The following EIF4E variants were observed in gnomAD, a reference collection of about 807,000 sequenced individuals.
EIF4E encodes eIF-4F 25 kDa subunit.
For missense variants in EIF4E, 113 were observed against 265.6 expected (o/e 0.43, Z 3.99); for synonymous variants, 71 against 88.5 (o/e 0.80, Z 1.11).
chr4:98,918,362 A>G (rs1273719462), intron 1 of EIF4E, among the ~76,000 whole-genome samples: 1 of 144,800 alleles, frequency 6.9e-6, no homozygotes, highest in Non-Finnish European at 1.5e-5. Context: ...CCGTCTTGGA[A>G]AAAAAAAAAA....
Position 98,887,003 on chromosome 4 carries a change from T to G in EIF4E, c.399+76A>C. ...TCCTTCTCTTAAATTAAGTAACAAA[T>G]GTAAAACATAACATATCTTAAGTAT... On this transcript the variant is annotated intron_variant, in intron 5 of 6. Transcript: ENST00000450253. This position sits in a 1 kb window ranked among gnomAD's most constrained non-coding sequence, Gnocchi z 4.0. The G allele has an allele frequency of 7.0e-7, 1 of 1,438,362 alleles. No homozygotes were observed. Among genetic ancestry groups the G allele is most frequent in the Non-Finnish European group, 9.8e-7 (1 of 1,023,652 alleles). The allele number at this position is 1,438,362 out of a possible 1,614,324, so 89.1% of individuals were successfully genotyped here.
intron 2 of EIF4E, among the ~76,000 whole-genome samples, chr4:98,894,720 C>A (rs1296105224): frequency 6.6e-6 from 1 of 152,224 alleles, no homozygotes; most frequent in African/African-American, 2.4e-5. Context: ...GTTTTCTTAT[C>A]ATTCATGTGT....
Position 98,929,116 on chromosome 4 carries a change from A to G in EIF4E, c.-4T>C. On this transcript the variant is annotated 5_prime_UTR_variant, in exon 1 of 7. Coordinates refer to ENST00000450253, the MANE Select transcript of EIF4E (RefSeq NM_001968.5). ...TCACCGGTTCGACAGTCGCCATCTT[A>G]GATCGATCTGATCGCACAACCGCTC... 1 of 1,574,858 alleles carries G rather than the reference A, an allele frequency of 6.3e-7. No individual in the cohort carries two copies. Among genetic ancestry groups the G allele is most frequent in the Non-Finnish European group, 8.6e-7 (1 of 1,159,846 alleles).
chr4:98,909,641 C>A, intron 1 of EIF4E: 1 of 709,842 alleles, frequency 1.4e-6, no homozygotes, highest in South Asian at 1.5e-5. Flanking sequence ...ACAGTATATG[C>A]AGCTTCCAAC....
chr4:98,888,576 C>T (rs1395724715), intron 3 of EIF4E, among the ~76,000 whole-genome samples: 1 of 152,130 alleles, frequency 6.6e-6, no homozygotes, highest in African/African-American at 2.4e-5. Flanking sequence ...TAAGATGGAA[C>T]CCTGCAGTCT....
chr4:98,882,154 A>G (rs1230848450), intron 6 of EIF4E, among the ~76,000 whole-genome samples: 1 of 151,934 alleles, frequency 6.6e-6, no homozygotes, highest in Non-Finnish European at 1.5e-5. Flanking sequence ...GCACTTTGGG[A>G]GGCCGAGGCG....
rs1447259286 is a variant in EIF4E, at chr4:98,899,221, T to C, written c.125+2655A>G. Among the ~76,000 whole-genome samples, 3 of 152,096 alleles carry C rather than the reference T, an allele frequency of 2.0e-5. 1 individual carries two copies. The highest frequency in any genetic ancestry group is 4.1e-4 in the South Asian group (2 of 4,826). On this transcript the variant is annotated intron_variant, in intron 2 of 6. Coordinates refer to ENST00000450253, the MANE Select transcript of EIF4E (RefSeq NM_001968.5). ...ACTTGAAAAGATATTCCATAACTTGTTAGCTTGAAAGTAGGGGAAAAAAAA... is the reference window on the plus strand; with the variant it reads ...ACTTGAAAAGATATTCCATAACTTGCTAGCTTGAAAGTAGGGGAAAAAAAA...
At chr4:98,891,816 T>G (rs1385351719) in intron 2 of EIF4E, among the ~76,000 whole-genome samples, 1 of 152,182 alleles carries the variant, frequency 6.6e-6, no homozygotes, top group African/African-American at 2.4e-5. Context: ...CACAAAAATT[T>G]AGGGAAAAAA....
At chr4:98,920,019 T>C (rs1725577020) in intron 1 of EIF4E, among the ~76,000 whole-genome samples, 1 of 152,228 alleles carries the variant, frequency 6.6e-6, no homozygotes. Flanking sequence ...GCTACTGTAT[T>C]GGACAGTAAA....
At chr4:98,891,039 G>A (rs1387446328) in intron 3 of EIF4E, 198 bp downstream of exon 3, 6 of 627,432 alleles carry the variant, frequency 9.6e-6, no homozygotes, top group Non-Finnish European at 1.7e-5. Flanking sequence ...AATAATTGGG[G>A]CTGGGGGATG....
chr4:98,885,232 C>T (rs931600944), intron 5 of EIF4E, among the ~76,000 whole-genome samples, 171 bp from the exon 6 acceptor site: 2 of 152,106 alleles, frequency 1.3e-5, no homozygotes, highest in African/African-American at 2.4e-5. Context: ...CTTTTAAATA[C>T]TCATTCATTT....
At chr4:98,882,121 G>C (rs1018336842) in intron 6 of EIF4E, among the ~76,000 whole-genome samples, 4 of 152,058 alleles carry the variant, frequency 2.6e-5, no homozygotes, top group Non-Finnish European at 5.9e-5. Context: ...GGCTGGGCGC[G>C]GTGGCTCACG....
chr4:98,917,116 AC>A (rs1308988938), intron 1 of EIF4E, among the ~76,000 whole-genome samples: 2 of 56,220 alleles, frequency 3.6e-5, no homozygotes, highest in Non-Finnish European at 3.4e-5. Context: ...ACACACACAC[AC>A]ACACACACAC....
intron 2 of EIF4E, among the ~76,000 whole-genome samples, chr4:98,898,104 T>C (rs1163496974): frequency 6.6e-6 from 1 of 151,586 alleles, no homozygotes; most frequent in Non-Finnish European, 1.5e-5. Context: ...TGAGCATGTG[T>C]CCTACGAAAA....
chr4:98,896,543 G>T (rs1724411492), intron 2 of EIF4E, among the ~76,000 whole-genome samples: 1 of 146,912 alleles, frequency 6.8e-6, no homozygotes, highest in Non-Finnish European at 1.5e-5. Flanking sequence ...GCACACCTGT[G>T]GACCTAGCTA....
chr4:98,901,979 T>C lies in EIF4E; in HGVS notation c.22A>G (p.Thr8Ala), dbSNP rs1724671018. 3.7e-6 allele frequency: 6 copies of C among 1,612,836 alleles called. No homozygotes were observed. In the East Asian group the frequency reaches 1.3e-4, roughly 36 times the overall value. ...GTCGGGGGATTAGGAGTAGGGGTGG[T>C]TTCCTAGTGGAAAATAATATAAAAC... MATVEPE[T>A]TPTPNPPTTE... Residue 8 changes from threonine to alanine, a missense_variant, in exon 2 of 7, where the codon ACC becomes GCC. Thr to Ala is a moderately conservative substitution (Grantham distance 58). Coordinates refer to ENST00000450253, the MANE Select transcript of EIF4E (RefSeq NM_001968.5).
intron 6 of EIF4E, 34 bp downstream of exon 6, chr4:98,884,888 A>C (rs1439163173): frequency 9.3e-6 from 15 of 1,610,162 alleles, no homozygotes; most frequent in Non-Finnish European, 1.7e-6. Context: ...TCATCTTAAT[A>C]CTGTAAAATA....
rs1723984299 is a variant in EIF4E at position 98,887,757 on chromosome 4, T to A, written c.285+132A>T. The A allele has an allele frequency of 1.3e-6, 1 of 772,308 alleles. No individual in the cohort carries two copies. Among genetic ancestry groups the A allele is most frequent in the African/African-American group, 1.7e-5 (1 of 57,250 alleles). The allele number at this position is 772,308 out of a possible 1,614,324, so 47.8% of individuals were successfully genotyped here. A position where few individuals can be genotyped will look rare whatever the true frequency, so the allele number is the denominator to read the frequency against. On this transcript the variant is annotated intron_variant, in intron 4 of 6. Transcript: ENST00000450253. The surrounding 1 kb of genome is among the most constrained non-coding windows in gnomAD (Gnocchi z 4.0). Reference sequence around the variant, plus strand: ...AATAAGATATATTGATACTAAAGCATACTACAGCCAATTAAATTATCAGCC... The same window carrying A: ...AATAAGATATATTGATACTAAAGCAAACTACAGCCAATTAAATTATCAGCC...
chr4:98,927,187 T>C (rs1281190660), intron 1 of EIF4E, among the ~76,000 whole-genome samples: 1 of 152,024 alleles, frequency 6.6e-6, no homozygotes, highest in African/African-American at 2.4e-5. Flanking sequence ...AACTTATGAG[T>C]TTTTCAGTCA....
Sources: gnomAD v4.1 joint callset for allele counts (sites outside exome capture counted in the v4.1 genomes callset) on GRCh38, gnomAD v4.1.1 for gene constraint, Gnocchi (gnomAD v3.1) non-coding constraint, MANE v1.5 for transcripts, NCBI Gene and HGNC (gene_info 2026-07-23, HGNC 2026-07-21) for gene names.